Variants in RAB3IP observed in about 807,000 individuals in gnomAD.
The protein encoded by RAB3IP is RAB3A interacting protein, also known as rab-3A-interacting protein.
In RAB3IP, 36 loss-of-function variants were observed where a neutral mutation model predicts 59.1. That is an observed-to-expected ratio of 0.61 (90% CI 0.47 to 0.80). The LOEUF (loss-of-function observed/expected upper bound fraction) is 0.80. RAB3IP is among the 30% of genes least tolerant of loss of function. The pLI is 0.00. For synonymous variants in RAB3IP, 207 were observed against 191.2 expected, an observed-to-expected ratio of 1.08 and a Z score of -0.68; for missense variants, 511 against 536.0, an observed-to-expected ratio of 0.95 and a Z score of 0.46.
chr12:69,749,171 C>G (rs1242266247), intron 1 of RAB3IP, among the ~76,000 whole-genome samples: 1 of 152,204 alleles, frequency 6.6e-6, no homozygotes. Context: ...AAGTGGCGGA[C>G]AAGCGAGCAT....
intron 8 of RAB3IP, among the ~76,000 whole-genome samples, chr12:69,804,845 A>G (rs1878990804): frequency 6.6e-6 from 1 of 151,916 alleles, no homozygotes; most frequent in Admixed American, 6.6e-5. Context: ...GTTCTGTTCC[A>G]TTGGTCTATA....
chr12:69,803,498 T>TTA (rs1878721428), intron 8 of RAB3IP, among the ~76,000 whole-genome samples: 3 of 151,694 alleles, frequency 2.0e-5, no homozygotes, highest in Non-Finnish European at 4.4e-5. Flanking sequence ...TTTTAATTTT[T>TTA]TTATTATTAT....
At chr12:69,758,806 T>C (rs1870682311) in intron 3 of RAB3IP, among the ~76,000 whole-genome samples, 1 of 147,682 alleles carries the variant, frequency 6.8e-6, no homozygotes. Flanking sequence ...TATTTTTGAA[T>C]GATAGTTTAA....
intron 8 of RAB3IP, among the ~76,000 whole-genome samples, chr12:69,804,474 T>TTA (rs1274649043): frequency 7.2e-5 from 11 of 152,236 alleles, no homozygotes; most frequent in Admixed American, 2.0e-4. Context: ...TGGTTTCTTT[T>TTA]GTTGTGCAGA....
Position 69,788,032 on chromosome 12 carries a change from T to C in RAB3IP, c.606+3217T>C, listed in dbSNP as rs114881413. ...CAGTTATACACACATGTTTTATATA[T>C]ACTTAGTGAGAGGAGTGTGATTGAA... is the stretch of plus-strand genomic sequence containing the variant. On this transcript the variant is annotated intron_variant, in intron 4 of 10. Coordinates refer to ENST00000247833, the MANE Select transcript of RAB3IP (RefSeq NM_022456.5). Among the ~76,000 whole-genome samples, 837 of 152,260 alleles carry C rather than the reference T, an allele frequency of 5.5e-3. 4 individuals carry two copies. Among genetic ancestry groups the C allele is most frequent in the African/African-American group, 0.019 (787 of 41,562 alleles).
At chr12:69,808,393 G>T (rs1401285043) in intron 8 of RAB3IP, among the ~76,000 whole-genome samples, 1 of 152,212 alleles carries the variant, frequency 6.6e-6, no homozygotes, top group Non-Finnish European at 1.5e-5. Flanking sequence ...GAGTTCTGTA[G>T]ATGTCTATTA....
At chr12:69,739,945 T>C (rs1887136366) in intron 1 of RAB3IP, 1 of 1,474,970 alleles carries the variant, frequency 6.8e-7, no homozygotes, top group Non-Finnish European at 9.5e-7. Flanking sequence ...CATGGAAATG[T>C]TGCCTGTTCG....
Position 69,755,603 on chromosome 12 carries a change from A to G in RAB3IP, c.195A>G (p.Thr65=), listed in dbSNP as rs138386590. The G allele has an allele frequency of 6.2e-6, 10 of 1,613,918 alleles. No individual in the cohort carries two copies. The highest frequency in any genetic ancestry group is 8.5e-6 in the Non-Finnish European group (10 of 1,179,966). Residue 65 remains threonine, a synonymous_variant, in exon 2 of 11, where the codon ACA becomes ACG. Transcript: ENST00000247833. ...ANALDVSELP[T]QPVYSSPRRL... is the part of the protein sequence containing the mutation. ...CATTAGATGTTTCTGAACTTCCTAC[A>G]CAACCCGTGTATTCATCCCCCAGAC...
rs1345291064 is a variant in RAB3IP at position 69,817,990 on chromosome 12, T to C, written c.*2544T>C. On this transcript the variant is annotated 3_prime_UTR_variant, in exon 11 of 11. Transcript: ENST00000247833. Reference sequence around the variant, plus strand: ...ATAAACATTAAGAGGTTTTCATCTCTCAATCAGGAAAACGTAAATCAAGAT... The same window carrying C: ...ATAAACATTAAGAGGTTTTCATCTCCCAATCAGGAAAACGTAAATCAAGAT... 3.3e-5 allele frequency: 5 copies of C among 152,140 alleles called. No individual in the cohort carries two copies. The highest frequency in any genetic ancestry group is 5.9e-5 in the Non-Finnish European group (4 of 68,024). The allele number at this position is 152,140 out of a possible 1,614,324, so 9.4% of individuals were successfully genotyped here.
intron 4 of RAB3IP, among the ~76,000 whole-genome samples, chr12:69,786,993 A>C (rs1272918950): frequency 6.6e-6 from 1 of 152,280 alleles, no homozygotes; most frequent in East Asian, 1.9e-4. Context: ...AAAAGCGCTC[A>C]AAGTTTTTAT....
intron 3 of RAB3IP, among the ~76,000 whole-genome samples, chr12:69,780,639 ATCT>A (rs373935149): frequency 7.2e-5 from 11 of 152,242 alleles, no homozygotes; most frequent in South Asian, 4.1e-4. Flanking sequence ...ATATGGGTAA[ATCT>A]TCTTCTGGGT....
rs2136307482 is a variant in RAB3IP at position 69,822,938 on chromosome 12, T to A, written c.*7492T>A. On this transcript the variant is annotated 3_prime_UTR_variant, in exon 11 of 11. Transcript: ENST00000247833. The stretch of plus-strand genomic sequence containing the variant: ...GCCATTGCTCATGTTTTAAGAAATA[T>A]ACTTATTGTTTAATATATCCTGTAC... 1 of 152,276 alleles carries A rather than the reference T, an allele frequency of 6.6e-6. No homozygotes were observed. The highest frequency in any genetic ancestry group is 2.1e-4 in the South Asian group (1 of 4,802). 9.4% of individuals were successfully genotyped at this position (152,276 alleles called of 1,614,324 possible).
Position 69,801,719 on chromosome 12 carries a change from A to G in RAB3IP, c.1128A>G (p.Pro376=). ...CTTCTGCAGTTGAATGCGGAGGACC[A>G]AAGTAGGTTTTTACGTGCATGAACT... ...VKASAVECGG[P]KKCALTGQSK... The change falls in exon 8 of 11, where the codon CCA becomes CCG. Residue 376 remains proline, a splice_region_variant and synonymous_variant. Transcript: ENST00000247833. The G allele has an allele frequency of 6.2e-7, 1 of 1,600,992 alleles. No homozygotes were observed. The highest frequency in any genetic ancestry group is 8.6e-7 in the Non-Finnish European group (1 of 1,168,674).
At chr12:69,781,900 C>A (rs575878366) in intron 3 of RAB3IP, among the ~76,000 whole-genome samples, 44 of 152,284 alleles carry the variant, frequency 2.9e-4, no homozygotes, top group African/African-American at 1.0e-3. Context: ...CAAGTGTGAT[C>A]GCTGGATCCC....
At chr12:69,739,575 C>G (rs1887064036) in intron 1 of RAB3IP, 9 of 535,374 alleles carry the variant, frequency 1.7e-5, no homozygotes, top group South Asian at 1.3e-4. Context: ...CGCGAGGCAC[C>G]GTGCTGAGGC....
chr12:69,807,842 C>T (rs866473797), intron 8 of RAB3IP, among the ~76,000 whole-genome samples: 18 of 144,678 alleles, frequency 1.2e-4, no homozygotes, highest in South Asian at 2.2e-4. Context: ...GGCGGCCGTG[C>T]GGAGGCGCTC....
rs1881148992 is a variant in RAB3IP, at chr12:69,816,451, A to C, written c.*1005A>C. The C allele has an allele frequency of 6.6e-6, 1 of 152,020 alleles. No individual in the cohort carries two copies. Among genetic ancestry groups the C allele is most frequent in the South Asian group, 2.1e-4 (1 of 4,812 alleles). The allele number at this position is 152,020 out of a possible 1,614,324, so 9.4% of individuals were successfully genotyped here. A position where few individuals can be genotyped will look rare whatever the true frequency, so the allele number is the denominator to read the frequency against. ...ACTTACATATGCATATTTTTGAAAC[A>C]AAAAGTAGGCTTTTTTTTTGCTTTT... is the stretch of plus-strand genomic sequence containing the variant. On this transcript the variant is annotated 3_prime_UTR_variant, in exon 11 of 11. Coordinates refer to ENST00000247833, the MANE Select transcript of RAB3IP (RefSeq NM_022456.5).
intron 4 of RAB3IP, among the ~76,000 whole-genome samples, chr12:69,790,587 A>AT (rs965744417): frequency 0.014 from 2,032 of 146,932 alleles, 46 homozygotes; most frequent in African/African-American, 0.043. Context: ...AGCCAAAGTA[A>AT]TTTTTTTTTT....
chr12:69,755,337 A>G, intron 1 of RAB3IP, 47 bp from the exon 2 acceptor site: 1 of 1,445,116 alleles, frequency 6.9e-7, no homozygotes, highest in African/African-American at 1.4e-5. Flanking sequence ...ATTTAGTTTT[A>G]AATGTTATTA....
Sources: gnomAD v4.1 joint callset for allele counts (sites outside exome capture counted in the v4.1 genomes callset) on GRCh38, gnomAD v4.1.1 for gene constraint, MANE v1.5 for transcripts, NCBI Gene and HGNC (gene_info 2026-07-23, HGNC 2026-07-21) for gene names.